PRKN: variants seen among roughly 807,000 people sequenced by gnomAD.
The protein encoded by PRKN is parkin RBR E3 ubiquitin protein ligase, also known as E3 ubiquitin-protein ligase parkin.
In PRKN, 56 loss-of-function variants were observed where a neutral mutation model predicts 59.5. That is an observed-to-expected ratio of 0.94 (90% CI 0.76 to 1.18). The LOEUF (loss-of-function observed/expected upper bound fraction) is 1.18. Ranked by LOEUF, PRKN falls within the 50% of genes most tolerant of loss-of-function variation. The probability of loss-of-function intolerance (pLI) is 0.00; values close to 1 mark genes in which losing one functional copy is unlikely to be tolerated. For synonymous variants in PRKN, 250 were observed against 222.1 expected, an observed-to-expected ratio of 1.13 and a Z score of -1.12; for missense variants, 657 against 596.4, an observed-to-expected ratio of 1.10 and a Z score of -1.06.
chr6:162,252,037 G>A (rs770894113), intron 3 of PRKN, among the ~76,000 whole-genome samples: 2 of 152,168 alleles, frequency 1.3e-5, no homozygotes, highest in Non-Finnish European at 2.9e-5. Flanking sequence ...TTTCTCTTGT[G>A]AGAATTCTAA....
At chr6:162,011,072 AT>A (rs1467838679) in intron 5 of PRKN, among the ~76,000 whole-genome samples, 1 of 11,732 alleles carries the variant, frequency 8.5e-5, no homozygotes, top group Non-Finnish European at 1.2e-4. Context: ...TATATAATAT[AT>A]TTATAATATA....
intron 5 of PRKN, among the ~76,000 whole-genome samples, chr6:162,015,023 A>C (rs1263748267): frequency 6.6e-6 from 1 of 152,194 alleles, no homozygotes; most frequent in Non-Finnish European, 1.5e-5. Flanking sequence ...CGTTGTAGAA[A>C]ACATGAAATT....
At chr6:161,639,730 T>A (rs1027251785) in intron 7 of PRKN, among the ~76,000 whole-genome samples, 8 of 152,156 alleles carry the variant, frequency 5.3e-5, no homozygotes, top group Non-Finnish European at 8.8e-5. Flanking sequence ...ACATTCTCCA[T>A]TATTAGTCTT....
chr6:162,491,423 C>T (rs1040136709), intron 1 of PRKN, among the ~76,000 whole-genome samples: 2 of 152,204 alleles, frequency 1.3e-5, no homozygotes, highest in Non-Finnish European at 2.9e-5. Flanking sequence ...AGGGCCCAGA[C>T]AGAGGTGACG....
chr6:161,874,878 A>T (rs1447129242), intron 6 of PRKN, among the ~76,000 whole-genome samples: 7 of 109,250 alleles, frequency 6.4e-5, no homozygotes, highest in African/African-American at 1.2e-4. Context: ...GTAAAATATA[A>T]AATATATAAT....
At chr6:162,338,692 A>G (rs1196201344) in intron 2 of PRKN, among the ~76,000 whole-genome samples, 5 of 151,818 alleles carry the variant, frequency 3.3e-5, no homozygotes, top group African/African-American at 1.2e-4. Context: ...GGAAGTGAGG[A>G]GTGTCTCTGC....
intron 4 of PRKN, among the ~76,000 whole-genome samples, chr6:162,075,916 T>C (rs1778803679): frequency 6.6e-6 from 1 of 151,450 alleles, no homozygotes; most frequent in Non-Finnish European, 1.5e-5. Context: ...TTCCTATTCT[T>C]GCCCCTTACT....
chr6:161,902,975 G>A (rs9347559), intron 6 of PRKN, among the ~76,000 whole-genome samples: 27,819 of 152,104 alleles, frequency 0.18, 2,986 homozygotes, highest in African/African-American at 0.3. Flanking sequence ...TGGGCAAGAC[G>A]GTGCACTGTG....
rs1036829470 is a variant in PRKN at position 161,356,793 on chromosome 6, A to G, written c.1285+3295T>C. Reference sequence around the variant, plus strand: ...CTGCTTTGTGAAATTTGAGCTGTCCATTGAACAATCAGTGGAGACACTAAG... The same window carrying G: ...CTGCTTTGTGAAATTTGAGCTGTCCGTTGAACAATCAGTGGAGACACTAAG... On this transcript the variant is annotated intron_variant, in intron 11 of 11. Coordinates refer to ENST00000366898, the MANE Select transcript of PRKN (RefSeq NM_004562.3). The surrounding 1 kb of genome is among the most constrained non-coding windows in gnomAD (Gnocchi z 7.8). Among the ~76,000 whole-genome samples the G allele has an allele frequency of 1.3e-5, 2 of 152,156 alleles. No homozygotes were observed. Among genetic ancestry groups the G allele is most frequent in the Non-Finnish European group, 2.9e-5 (2 of 68,030 alleles).
chr6:162,069,738 T>A (rs1778494989), intron 4 of PRKN, among the ~76,000 whole-genome samples: 1 of 152,200 alleles, frequency 6.6e-6, no homozygotes, highest in Non-Finnish European at 1.5e-5. Context: ...AGCCAAGTTA[T>A]CTCTACAAAT....
At chr6:161,491,038 G>A (rs1362110915) in intron 9 of PRKN, among the ~76,000 whole-genome samples, 3 of 152,138 alleles carry the variant, frequency 2.0e-5, no homozygotes, top group South Asian at 2.1e-4. Flanking sequence ...GTGAAACCAT[G>A]AGCCAATTAA....
Position 162,395,424 on chromosome 6 carries a change from T to G in PRKN, c.171+47886A>C, listed in dbSNP as rs115553233. Among the ~76,000 whole-genome samples, 897 of 152,254 alleles carry G rather than the reference T, an allele frequency of 5.9e-3. 4 individuals are homozygous for G. Among genetic ancestry groups the G allele is most frequent in the Middle Eastern group, 0.014 (4 of 294 alleles). ...CCAGCATCAATTTGCCACATGCACTTCAGTTTGCCACAGTGCCAACCACAT... is the reference window on the plus strand; with the variant it reads ...CCAGCATCAATTTGCCACATGCACTGCAGTTTGCCACAGTGCCAACCACAT... On this transcript the variant is annotated intron_variant, in intron 2 of 11. Transcript: ENST00000366898.
intron 6 of PRKN, among the ~76,000 whole-genome samples, chr6:161,961,154 G>A (rs117722295): frequency 0.012 from 1,858 of 152,252 alleles, 22 homozygotes; most frequent in Non-Finnish European, 0.018. Context: ...TGGACTGAGC[G>A]CACAAGAAAA....
chr6:161,951,653 C>T (rs1028957888), intron 6 of PRKN, among the ~76,000 whole-genome samples: 8 of 152,200 alleles, frequency 5.3e-5, no homozygotes, highest in Non-Finnish European at 1.2e-4. Flanking sequence ...CAGTGGCTCA[C>T]GCCTGTTATC....
intron 3 of PRKN, among the ~76,000 whole-genome samples, chr6:162,249,647 A>C (rs1355409577): frequency 6.6e-6 from 1 of 152,040 alleles, no homozygotes; most frequent in East Asian, 1.9e-4. Flanking sequence ...TTAAAAGTCA[A>C]ATCTAAGATT....
intron 1 of PRKN, among the ~76,000 whole-genome samples, chr6:162,549,356 T>C (rs1337040114): frequency 6.6e-6 from 1 of 152,212 alleles, no homozygotes; most frequent in African/African-American, 2.4e-5. Context: ...CAGGTTTCTA[T>C]GAAGTTTGTT....
At chr6:162,176,019 G>A (rs1783514756) in intron 4 of PRKN, among the ~76,000 whole-genome samples, 1 of 152,170 alleles carries the variant, frequency 6.6e-6, no homozygotes, top group Non-Finnish European at 1.5e-5. Context: ...ATTAGTTGTA[G>A]AAAAGATCCT....
At chr6:162,299,364 T>C (rs1244179701) in intron 2 of PRKN, among the ~76,000 whole-genome samples, 1 of 152,044 alleles carries the variant, frequency 6.6e-6, no homozygotes, top group Non-Finnish European at 1.5e-5. Flanking sequence ...AAGATTCTGG[T>C]TTTTACCCTT....
At chr6:162,061,894 T>A (rs982614176) in intron 4 of PRKN, among the ~76,000 whole-genome samples, 5 of 152,064 alleles carry the variant, frequency 3.3e-5, no homozygotes, top group South Asian at 2.1e-4. Context: ...TTAAAATGAG[T>A]AAGATTTTTG....
Sources: gnomAD v4.1 joint callset for allele counts (sites outside exome capture counted in the v4.1 genomes callset) on GRCh38, gnomAD v4.1.1 for gene constraint, Gnocchi (gnomAD v3.1) non-coding constraint, MANE v1.5 for transcripts, NCBI Gene and HGNC (gene_info 2026-07-23, HGNC 2026-07-21) for gene names.